Variants in LUZP2 observed in about 807,000 individuals in gnomAD.
The protein encoded by LUZP2 is leucine zipper protein 2.
LUZP2 carries 52 observed loss-of-function variants against 51.6 expected under a neutral mutation model. The observed-to-expected ratio is 1.01, with a 90% CI of 0.81 to 1.27. The LOEUF is 1.27. Ranked by LOEUF, LUZP2 falls within the 50% of genes most tolerant of loss-of-function variation. LUZP2 has a pLI of 0.00. For missense variants in LUZP2, 436 were observed against 395.4 expected (o/e 1.10, Z -0.87); for synonymous variants, 154 against 137.3 (o/e 1.12, Z -0.85).
intron 1 of LUZP2, among the ~76,000 whole-genome samples, chr11:24,670,947 T>C (rs983076129): frequency 2.6e-5 from 4 of 152,044 alleles, no homozygotes; most frequent in African/African-American, 9.6e-5. Flanking sequence ...AGTTTCATAC[T>C]GCATTTTCAT....
chr11:24,573,901 T>G (rs1370009612), intron 1 of LUZP2, among the ~76,000 whole-genome samples: 1 of 151,790 alleles, frequency 6.6e-6, no homozygotes, highest in Admixed American at 6.6e-5. Context: ...TATTATACTT[T>G]AAGTTTTAGG....
intron 1 of LUZP2, among the ~76,000 whole-genome samples, chr11:24,517,703 A>G (rs1033370150): frequency 6.6e-6 from 1 of 152,012 alleles, no homozygotes; most frequent in Admixed American, 6.6e-5. Context: ...CCATTTTAGA[A>G]GGTTGAATTT....
At chr11:24,671,589 C>T (rs1856403887) in intron 1 of LUZP2, among the ~76,000 whole-genome samples, 1 of 151,434 alleles carries the variant, frequency 6.6e-6, no homozygotes, top group Non-Finnish European at 1.5e-5. Context: ...CACACACACA[C>T]ACTTTCACAA....
At chr11:24,909,323 C>G (rs1853553255) in intron 6 of LUZP2, among the ~76,000 whole-genome samples, 1 of 151,742 alleles carries the variant, frequency 6.6e-6, no homozygotes, top group Non-Finnish European at 1.5e-5. Context: ...AGAATATGCA[C>G]TTTAATTATG....
At chr11:24,877,704 T>G (rs769339133) in intron 5 of LUZP2, among the ~76,000 whole-genome samples, 4 of 152,134 alleles carry the variant, frequency 2.6e-5, no homozygotes. Context: ...TCTAACTATA[T>G]TTTTGTACTC....
At chr11:25,003,255 G>T (rs1411226453) in intron 9 of LUZP2, among the ~76,000 whole-genome samples, 1 of 152,230 alleles carries the variant, frequency 6.6e-6, no homozygotes, top group African/African-American at 2.4e-5. Context: ...TCTTGGGCCA[G>T]TGCCTGACCA....
At chr11:24,599,361 C>T (rs1251105277) in intron 1 of LUZP2, among the ~76,000 whole-genome samples, 1 of 152,082 alleles carries the variant, frequency 6.6e-6, no homozygotes, top group African/African-American at 2.4e-5. Flanking sequence ...CATCACTGCC[C>T]CGAGATCATC....
Position 24,503,122 on chromosome 11 carries a change from T to A in LUZP2, c.62+5817T>A, listed in dbSNP as rs369983633. Among the ~76,000 whole-genome samples, 5 of 152,370 alleles carry A rather than the reference T, an allele frequency of 3.3e-5. No individual in the cohort carries two copies. In the South Asian group the frequency reaches 8.3e-4, roughly 25 times the overall value. ...AAATGACCATATGAAAGGGATCTTATACTAAGTCAGTTTTAAAATAGCTTT... is the reference window on the plus strand; with the variant it reads ...AAATGACCATATGAAAGGGATCTTAAACTAAGTCAGTTTTAAAATAGCTTT... On this transcript the variant is annotated intron_variant, in intron 1 of 11. Coordinates refer to ENST00000336930, the MANE Select transcript of LUZP2 (RefSeq NM_001009909.4).
At chr11:24,721,980 A>G (rs1200963597) in intron 1 of LUZP2, among the ~76,000 whole-genome samples, 2 of 152,216 alleles carry the variant, frequency 1.3e-5, no homozygotes, top group African/African-American at 4.8e-5. Context: ...ATAGAAACTG[A>G]CATCTTTTTA....
At chr11:24,856,522 T>G (rs1590646202) in intron 5 of LUZP2, among the ~76,000 whole-genome samples, 1 of 152,040 alleles carries the variant, frequency 6.6e-6, no homozygotes, top group Admixed American at 6.6e-5. Context: ...ACTTAAAATA[T>G]TTTGCAAAGA....
At chr11:25,029,640 G>A (rs2133987608) in intron 9 of LUZP2, among the ~76,000 whole-genome samples, 1 of 151,770 alleles carries the variant, frequency 6.6e-6, no homozygotes, top group African/African-American at 2.4e-5. Context: ...GGGAGGCTGA[G>A]GCAGGAGAAT....
chr11:25,061,663 G>C (rs1227319976), intron 10 of LUZP2, among the ~76,000 whole-genome samples: 1 of 152,044 alleles, frequency 6.6e-6, no homozygotes, highest in Admixed American at 6.6e-5. Context: ...TGGAAGACTT[G>C]TACTACTCTT....
chr11:25,001,123 T>C (rs1486404319), intron 9 of LUZP2, among the ~76,000 whole-genome samples: 2 of 152,188 alleles, frequency 1.3e-5, no homozygotes, highest in East Asian at 1.9e-4. Context: ...TTTAGCAAAC[T>C]CTACTTTTGT....
At chr11:24,770,784 A>G (rs1246877553) in intron 5 of LUZP2, among the ~76,000 whole-genome samples, 1 of 152,230 alleles carries the variant, frequency 6.6e-6, no homozygotes, top group Admixed American at 6.5e-5. Flanking sequence ...ATTAATTCCT[A>G]TAGATATCTT....
At chr11:24,917,558 GCCA>G (rs1565103285) in intron 7 of LUZP2, among the ~76,000 whole-genome samples, 2 of 152,086 alleles carry the variant, frequency 1.3e-5, no homozygotes, top group Non-Finnish European at 2.9e-5. Flanking sequence ...CATATGGCTA[GCCA>G]GTTTTCCCAG....
At chr11:24,984,705 G>T (rs926931095) in intron 9 of LUZP2, among the ~76,000 whole-genome samples, 1 of 151,046 alleles carries the variant, frequency 6.6e-6, no homozygotes, top group African/African-American at 2.4e-5. Flanking sequence ...TTCACTGTTA[G>T]AACTATAGCT....
At chr11:24,581,206 A>AT (rs1196285573) in intron 1 of LUZP2, among the ~76,000 whole-genome samples, 1 of 151,990 alleles carries the variant, frequency 6.6e-6, no homozygotes, top group African/African-American at 2.4e-5. Flanking sequence ...CCAAAAAAAA[A>AT]AAAAAAAAAT....
rs753329644 is a variant in LUZP2, at chr11:25,062,033, A to C, written c.858+11903A>C. On this transcript the variant is annotated intron_variant, in intron 10 of 11. Coordinates refer to ENST00000336930, the MANE Select transcript of LUZP2 (RefSeq NM_001009909.4). ...TACAGATGGAAATATATCATTGGAA[A>C]GTGACATATCAGTCATACCCCTCAA... is the stretch of plus-strand genomic sequence containing the variant. 3.4e-4 allele frequency among the ~76,000 whole-genome samples: 52 copies of C among 151,730 alleles called. 1 individual carries two copies. The highest frequency in any genetic ancestry group is 6.8e-3 in the Middle Eastern group (2 of 294).
intron 5 of LUZP2, among the ~76,000 whole-genome samples, chr11:24,857,654 C>T (rs193283482): frequency 1.7e-4 from 26 of 151,100 alleles, no homozygotes; most frequent in Admixed American, 3.3e-4. Context: ...ACAGTGTGAA[C>T]GCTTGAAAAA....
Sources: allele counts gnomAD v4.1 joint callset (sites outside exome capture counted in the v4.1 genomes callset), GRCh38; gene constraint gnomAD v4.1.1; transcripts MANE v1.5; gene names NCBI Gene and HGNC (gene_info 2026-07-23, HGNC 2026-07-21).